Variants in VCL observed in about 807,000 individuals in gnomAD.
The protein encoded by VCL is vinculin.
In VCL, 47 loss-of-function variants were observed where a neutral mutation model predicts 125.7. The observed-to-expected ratio is 0.37, with a 90% confidence interval of 0.30 to 0.48. VCL has a LOEUF of 0.48. Ranked by LOEUF, VCL falls within the 20% of genes least tolerant of loss-of-function variation. The probability of loss-of-function intolerance (pLI) is 0.99; values close to 1 mark genes in which losing one functional copy is unlikely to be tolerated. For missense variants in VCL, 1,069 were observed against 1,455.5 expected (o/e 0.73, Z 4.32); for synonymous variants, 458 against 514.6 (o/e 0.89, Z 1.49).
chr10:74,090,114 A>G lies in VCL; in HGVS notation c.1268A>G (p.Asp423Gly), dbSNP rs769504902. The change falls in exon 10 of 22, where the codon GAT becomes GGT. Residue 423 changes from aspartate to glycine, a missense_variant. Physicochemically the swap from Asp to Gly is moderately conservative, Grantham distance 94. Transcript: ENST00000211998. ...GCTCGGAAAATAGCAGAATTATGTG[A>G]TGATCCTAAAGAAAGAGATGACATT... The part of the protein sequence containing the change: ...AEARKIAELC[D>G]DPKERDDILR... 3 of 1,614,202 alleles carry G rather than the reference A, an allele frequency of 1.9e-6. No homozygotes were observed. Among genetic ancestry groups the G allele is most frequent in the Admixed American group, 1.7e-5 (1 of 60,032 alleles).
intron 10 of VCL, among the ~76,000 whole-genome samples, chr10:74,093,873 G>A (rs1192966641): frequency 6.6e-6 from 1 of 152,174 alleles, no homozygotes; most frequent in Non-Finnish European, 1.5e-5. Context: ...TCAAAAGATA[G>A]TATTACTACT....
chr10:74,101,207 C>A, intron 14 of VCL, 110 bp downstream of exon 14: 1 of 1,434,442 alleles, frequency 7.0e-7, no homozygotes, highest in South Asian at 1.2e-5. Flanking sequence ...AAAACATATA[C>A]AGGCCAGCAC....
intron 13 of VCL, among the ~76,000 whole-genome samples, chr10:74,100,262 A>G (rs1369116213): frequency 6.6e-6 from 1 of 152,244 alleles, no homozygotes; most frequent in Non-Finnish European, 1.5e-5. Context: ...CACAGTATGC[A>G]ACCTTGCACA....
At chr10:74,055,262 T>G (rs1162759938) in intron 2 of VCL, among the ~76,000 whole-genome samples, 3 of 152,196 alleles carry the variant, frequency 2.0e-5, no homozygotes, top group African/African-American at 7.2e-5. Flanking sequence ...ATCATGTCAC[T>G]GCACCCTAGT....
rs1166750301 is a variant in VCL, at chr10:74,094,327, T to A, written c.1409T>A (p.Leu470Gln). 6.2e-7 allele frequency: 1 copy of A among 1,614,160 alleles called. No individual in the cohort carries two copies. The highest frequency in any genetic ancestry group is 8.5e-7 in the Non-Finnish European group (1 of 1,180,024). Residue 470 changes from leucine to glutamine, a missense_variant, in exon 11 of 22, where the codon CTG (leucine) becomes CAG (glutamine). Transcript: ENST00000211998. ...RALAKQVATA[L>Q]QNLQTKTNRA... ...TTGGCCAAACAGGTGGCCACGGCCC[T>A]GCAGAACCTGCAGACCAAAACCAAC...
At chr10:74,016,992 A>C (rs1840554193) in intron 1 of VCL, 1 of 151,494 alleles carries the variant, frequency 6.6e-6, no homozygotes. Flanking sequence ...TATTTCACTT[A>C]GAATAATGTC....
At chr10:74,023,857 A>G (rs1265221878) in intron 1 of VCL, among the ~76,000 whole-genome samples, 1 of 152,240 alleles carries the variant, frequency 6.6e-6, no homozygotes, top group Non-Finnish European at 1.5e-5. Flanking sequence ...TTTTCTATCA[A>G]TACATCTCAG....
Position 74,105,372 on chromosome 10 carries a change from T to C in VCL, c.2434+19T>C, listed in dbSNP as rs188216596. The C allele has an allele frequency of 3.5e-4, 570 of 1,611,998 alleles. 4 individuals are homozygous for C. The African/African-American group carries it at 7.2e-3, about 20-fold the overall frequency. On this transcript the variant is annotated intron_variant, in intron 16 of 21. Transcript: ENST00000211998. ...GACCCTGGTAAGCAATGCATGGCAC[T>C]ATGTCTCACCTCCACTGAGAGGTTA...
At chr10:74,003,557 T>C (rs1275907622) in intron 1 of VCL, among the ~76,000 whole-genome samples, 2 of 152,216 alleles carry the variant, frequency 1.3e-5, no homozygotes, top group African/African-American at 4.8e-5. Context: ...AGAGCATGTG[T>C]TGTAAGTACT....
At chr10:74,046,755 C>T (rs972981006) in intron 2 of VCL, among the ~76,000 whole-genome samples, 1 of 152,178 alleles carries the variant, frequency 6.6e-6, no homozygotes, top group Admixed American at 6.5e-5. Flanking sequence ...TTGCTTCCAA[C>T]CCTGACATTC....
rs1840113501 is a variant in VCL, at chr10:74,105,281, G to C, written c.2362G>C (p.Asp788His). 1 of 1,613,666 alleles carries C rather than the reference G, an allele frequency of 6.2e-7. No homozygotes were observed. The highest frequency in any genetic ancestry group is 1.3e-5 in the African/African-American group (1 of 74,910). The change falls in exon 16 of 22, where the codon GAT becomes CAT. Residue 788 changes from aspartate to histidine, a missense_variant. By Grantham distance (81) the Asp-to-His change is moderately conservative. Around this residue, in one of 6 missense-constraint regions of VCL, gnomAD observed 760 missense variants for 928.9 expected, o/e 0.82. Coordinates refer to ENST00000211998, the MANE Select transcript of VCL (RefSeq NM_014000.3). ...CCGTGAGGCTGTGAAAGCTGCCTCT[G>C]ATGAATTGAGCAAAACCATCTCCCC... ...KFREAVKAAS[D>H]ELSKTISPMV...
Position 74,111,990 on chromosome 10 carries a change from CCT to C in VCL, c.2828_2829del (p.Pro943ArgfsTer9), listed in dbSNP as rs781036800. 44 of 1,614,194 alleles carry C rather than the reference CCT, an allele frequency of 2.7e-5. No homozygotes were observed. In the African/African-American group the frequency reaches 3.7e-4, roughly 14 times the overall value. On this transcript the variant is annotated frameshift_variant, in exon 19 of 22. Transcript: ENST00000211998. LOFTEE classifies it high-confidence loss of function. Reference sequence around the variant, plus strand: ...CGATGCTGCTGGCTTCCCTGTCCCCCCTGACATGGAAGACGATTACGAACCTG... The same window carrying C: ...CGATGCTGCTGGCTTCCCTGTCCCCCGACATGGAAGACGATTACGAACCTG... Reference protein sequence around the residue: ...AADAAGFPVPPDMEDDYEPEL... With the variant: ...AADAAGFPVPXDMEDDYEPEL...
intron 1 of VCL, among the ~76,000 whole-genome samples, chr10:74,019,693 T>C (rs1476657089): frequency 6.6e-6 from 1 of 152,202 alleles, no homozygotes; most frequent in Non-Finnish European, 1.5e-5. Flanking sequence ...AGAGATAGAC[T>C]CATTATTACT....
At chr10:74,043,391 G>A (rs1841134118) in intron 2 of VCL, among the ~76,000 whole-genome samples, 1 of 151,482 alleles carries the variant, frequency 6.6e-6, no homozygotes, top group South Asian at 2.1e-4. Flanking sequence ...TCGTCACCCA[G>A]TTTGGAGTGC....
intron 1 of VCL, among the ~76,000 whole-genome samples, chr10:74,039,624 T>C (rs982254440): frequency 7.0e-6 from 1 of 143,314 alleles, no homozygotes; most frequent in Non-Finnish European, 1.5e-5. Flanking sequence ...CTCTACAAAA[T>C]AAAAAAAAAA....
intron 2 of VCL, among the ~76,000 whole-genome samples, chr10:74,067,083 A>C (rs767213831): frequency 6.6e-6 from 1 of 152,188 alleles, no homozygotes; most frequent in Non-Finnish European, 1.5e-5. Context: ...CTCAACCTCA[A>C]TGGAAATTAA....
At chr10:74,087,338 T>C (rs1303913975) in intron 8 of VCL, among the ~76,000 whole-genome samples, 1 of 140,900 alleles carries the variant, frequency 7.1e-6, no homozygotes, top group Non-Finnish European at 1.5e-5. Flanking sequence ...TTTAGGTTTT[T>C]CTTTTTTTTT....
chr10:74,089,594 G>C (rs1029006459), intron 9 of VCL, among the ~76,000 whole-genome samples: 1 of 152,142 alleles, frequency 6.6e-6, no homozygotes, highest in Non-Finnish European at 1.5e-5. Context: ...GTAAAAGTAA[G>C]CTCTCAGAGT....
intron 1 of VCL, among the ~76,000 whole-genome samples, chr10:74,023,080 T>C (rs542790952): frequency 6.6e-6 from 1 of 152,332 alleles, no homozygotes; most frequent in African/African-American, 2.4e-5. Flanking sequence ...GAACTTGATA[T>C]TTATTGAGGA....
Sources: allele counts gnomAD v4.1 joint callset (sites outside exome capture counted in the v4.1 genomes callset), GRCh38; gene constraint gnomAD v4.1.1; regional missense constraint gnomAD v4.1.1; transcripts MANE v1.5; gene names NCBI Gene and HGNC (gene_info 2026-07-23, HGNC 2026-07-21).